Variants in CAMK4 observed in about 807,000 individuals in gnomAD.
CAMK4 encodes the protein calcium/calmodulin-dependent protein kinase type IV.
In CAMK4, 22 loss-of-function variants were observed where a neutral mutation model predicts 44.9. The observed-to-expected ratio is 0.49, with a 90% confidence interval of 0.35 to 0.70. The LOEUF is 0.70. Among genes scored for constraint, CAMK4 ranks in the 30% least tolerant of loss-of-function variants. CAMK4 has a pLI of 0.01. For synonymous variants in CAMK4, 218 were observed against 215.4 expected, an observed-to-expected ratio of 1.01 and a Z score of -0.11; for missense variants, 498 against 586.8, an observed-to-expected ratio of 0.85 and a Z score of 1.56.
At chr5:111,342,453 T>A (rs77703462) in intron 1 of CAMK4, among the ~76,000 whole-genome samples, 11,348 of 151,498 alleles carry the variant, frequency 0.075, 625 homozygotes, top group East Asian at 0.24. Context: ...TTGTGTAGTA[T>A]CTCTTTTACC....
At chr5:111,408,409 A>G (rs906970046) in intron 5 of CAMK4, among the ~76,000 whole-genome samples, 1 of 152,200 alleles carries the variant, frequency 6.6e-6, no homozygotes, top group African/African-American at 2.4e-5. Flanking sequence ...TTTGCATCGG[A>G]TCTTGTGAGA....
intron 1 of CAMK4, among the ~76,000 whole-genome samples, chr5:111,298,623 G>A (rs1237788841): frequency 1.3e-5 from 2 of 152,194 alleles, no homozygotes; most frequent in Non-Finnish European, 2.9e-5. Flanking sequence ...GCCCCTGGTG[G>A]TTCTACCCCT....
intron 7 of CAMK4, among the ~76,000 whole-genome samples, chr5:111,466,476 A>G (rs1397278911): frequency 6.6e-6 from 1 of 152,248 alleles, no homozygotes; most frequent in Non-Finnish European, 1.5e-5. Flanking sequence ...AAGCTCCTAG[A>G]TCTGATAAAT....
chr5:111,479,894 A>C (rs1305648658), intron 9 of CAMK4, among the ~76,000 whole-genome samples: 1 of 152,012 alleles, frequency 6.6e-6, no homozygotes, highest in East Asian at 1.9e-4. Flanking sequence ...CCACTGCCCC[A>C]ACCTCCTATC....
At chr5:111,279,020 A>G (rs188679431) in intron 1 of CAMK4, among the ~76,000 whole-genome samples, 2 of 152,304 alleles carry the variant, frequency 1.3e-5, no homozygotes, top group South Asian at 2.1e-4. Context: ...GTATGGCTCA[A>G]GGGCGCCCCC....
chr5:111,382,331 A>G (rs1751448325), intron 4 of CAMK4, among the ~76,000 whole-genome samples: 1 of 152,182 alleles, frequency 6.6e-6, no homozygotes, highest in Admixed American at 6.6e-5. Context: ...GGGCATTGCT[A>G]TTAGAAAAAG....
At chr5:111,339,341 T>G (rs1305029390) in intron 1 of CAMK4, among the ~76,000 whole-genome samples, 1 of 151,278 alleles carries the variant, frequency 6.6e-6, no homozygotes, top group East Asian at 1.9e-4. Flanking sequence ...ATGTTTTCAC[T>G]TAGTAGTTTT....
intron 5 of CAMK4, among the ~76,000 whole-genome samples, chr5:111,419,426 G>T (rs1214952210): frequency 6.6e-6 from 1 of 152,072 alleles, no homozygotes; most frequent in Admixed American, 6.6e-5. Flanking sequence ...TTCTTTTGCT[G>T]TGCAGAAACT....
chr5:111,451,662 G>A (rs557671439), intron 7 of CAMK4, among the ~76,000 whole-genome samples: 49 of 152,180 alleles, frequency 3.2e-4, no homozygotes, highest in East Asian at 1.9e-3. Flanking sequence ...TCAGCACTTC[G>A]GGAGGCTGAA....
chr5:111,407,159 C>T (rs1294265356), intron 5 of CAMK4, among the ~76,000 whole-genome samples: 1 of 151,998 alleles, frequency 6.6e-6, no homozygotes, highest in Non-Finnish European at 1.5e-5. Context: ...CGAAACCAGC[C>T]TGGCCAAGAT....
At chr5:111,279,089 C>T (rs1474122262) in intron 1 of CAMK4, among the ~76,000 whole-genome samples, 2 of 152,174 alleles carry the variant, frequency 1.3e-5, no homozygotes, top group African/African-American at 4.8e-5. Flanking sequence ...AGGGCCTGCT[C>T]AGCGAGGTGT....
chr5:111,469,650 A>T (rs937607514), intron 7 of CAMK4, among the ~76,000 whole-genome samples: 3 of 152,176 alleles, frequency 2.0e-5, no homozygotes, highest in Non-Finnish European at 4.4e-5. Flanking sequence ...TCTGGCCTGC[A>T]CGGGGTGGGA....
At chr5:111,307,989 C>G (rs1178974525) in intron 1 of CAMK4, among the ~76,000 whole-genome samples, 28 of 90,998 alleles carry the variant, frequency 3.1e-4, no homozygotes, top group African/African-American at 1.5e-3. Flanking sequence ...TCTCAGTAAA[C>G]TATCGCAAGA....
At chr5:111,309,843 C>T (rs1748123425) in intron 1 of CAMK4, among the ~76,000 whole-genome samples, 1 of 152,160 alleles carries the variant, frequency 6.6e-6, no homozygotes, top group African/African-American at 2.4e-5. Context: ...TTTAGGACCA[C>T]TGGTGGTCTC....
chr5:111,474,096 G>C (rs1755156165), intron 8 of CAMK4, among the ~76,000 whole-genome samples: 1 of 152,012 alleles, frequency 6.6e-6, no homozygotes, highest in Admixed American at 6.5e-5. Flanking sequence ...AGAACAACTA[G>C]AAAATAAGAT....
chr5:111,332,436 T>G (rs990016995), intron 1 of CAMK4, among the ~76,000 whole-genome samples: 2 of 151,538 alleles, frequency 1.3e-5, no homozygotes, highest in Non-Finnish European at 2.9e-5. Context: ...TACATAGTAT[T>G]CCACGATGTA....
intron 1 of CAMK4, among the ~76,000 whole-genome samples, chr5:111,311,633 T>C (rs149767213): frequency 1.5e-3 from 221 of 152,336 alleles, no homozygotes; most frequent in African/African-American, 4.9e-3. Context: ...GTCATTTTCA[T>C]CCAAAGGAAA....
At chr5:111,356,109 A>C (rs1006604043) in intron 2 of CAMK4, among the ~76,000 whole-genome samples, 2 of 135,648 alleles carry the variant, frequency 1.5e-5, no homozygotes, top group Non-Finnish European at 3.2e-5. Context: ...ACTAGTTTAC[A>C]GTCCCACCAA....
At chr5:111,413,301 G>A (rs1023184488) in intron 5 of CAMK4, among the ~76,000 whole-genome samples, 1 of 152,128 alleles carries the variant, frequency 6.6e-6, no homozygotes. Context: ...GGAGCTGCCC[G>A]GGTGCAGTGG....
Sources: allele counts gnomAD v4.1 joint callset (sites outside exome capture counted in the v4.1 genomes callset), GRCh38; gene constraint gnomAD v4.1.1; transcripts MANE v1.5; gene names NCBI Gene and HGNC (gene_info 2026-07-23, HGNC 2026-07-21).